FCGR3A: variants seen among roughly 807,000 people sequenced by gnomAD.
The protein encoded by FCGR3A is low affinity immunoglobulin gamma Fc region receptor III-A.
In FCGR3A, 13 loss-of-function variants were observed where a neutral mutation model predicts 24.1. The observed-to-expected ratio is 0.54, with a 90% CI of 0.35 to 0.86. The LOEUF is 0.86. Ranked by LOEUF, FCGR3A falls within the 40% of genes least tolerant of loss-of-function variation. FCGR3A has a pLI of 0.01. For missense variants in FCGR3A, 235 were observed against 298.0 expected (o/e 0.79, Z 1.56); for synonymous variants, 93 against 112.2 (o/e 0.83, Z 1.08).
At chr1:161,545,958 T>C (rs7540815) in intron 3 of FCGR3A, among the ~76,000 whole-genome samples, 3 of 152,138 alleles carry the variant, frequency 2.0e-5, no homozygotes, top group Non-Finnish European at 2.9e-5. Context: ...GGAGTGGGAC[T>C]GAAGGACATT....
upstream of FCGR3A, chr1:161,549,989 A>G: frequency 1.2e-6 from 1 of 854,470 alleles, no homozygotes; most frequent in Non-Finnish European, 1.8e-6. Context: ...TTACTCCCTC[A>G]AAGGTCTGTG....
intron 3 of FCGR3A, among the ~76,000 whole-genome samples, chr1:161,547,394 A>G (rs1572019247): frequency 1.3e-5 from 2 of 152,106 alleles, no homozygotes; most frequent in South Asian, 4.1e-4. Context: ...TATGAATGGA[A>G]CAGCCGTGGA....
At chr1:161,546,563 G>T (rs531648697) in intron 3 of FCGR3A, among the ~76,000 whole-genome samples, 3 of 152,094 alleles carry the variant, frequency 2.0e-5, no homozygotes, top group Admixed American at 1.3e-4. Flanking sequence ...TAAGAATAAA[G>T]GACTGCGGGG....
intron 3 of FCGR3A, among the ~76,000 whole-genome samples, chr1:161,548,067 T>C (rs1355587948): frequency 6.6e-6 from 1 of 152,244 alleles, no homozygotes; most frequent in Non-Finnish European, 1.5e-5. Context: ...TGATACTCTG[T>C]CTCAAAAAAT....
chr1:161,547,033 C>G (rs996690590), intron 3 of FCGR3A, among the ~76,000 whole-genome samples: 2 of 152,210 alleles, frequency 1.3e-5, no homozygotes, highest in Admixed American at 1.3e-4. Flanking sequence ...CCTGGTGAAG[C>G]TAATTCTCAT....
intron 3 of FCGR3A, among the ~76,000 whole-genome samples, chr1:161,546,658 T>C (rs1236111813): frequency 1.3e-5 from 2 of 151,804 alleles, no homozygotes; most frequent in African/African-American, 2.4e-5. Context: ...GTAATCCTAG[T>C]ACTTTGGGAG....
chr1:161,544,632 A>G lies in FCGR3A; in HGVS notation c.577+69T>C. 7 of 1,567,120 alleles carry G rather than the reference A, an allele frequency of 4.5e-6. No individual in the cohort carries two copies. In the South Asian group the frequency reaches 8.2e-5, roughly 18 times the overall value. On this transcript the variant is annotated intron_variant, in intron 4 of 4. Coordinates refer to ENST00000443193, the MANE Select transcript of FCGR3A (RefSeq NM_000569.8). ...GAATCAGGAATCTCCTCCCAACTCA[A>G]CTTCCCAGTGTGATTGCAGGTTCCA...
intron 3 of FCGR3A, chr1:161,545,733 A>G (rs1027529110): frequency 6.6e-6 from 1 of 152,086 alleles, no homozygotes; most frequent in Admixed American, 6.6e-5. Context: ...CCAAGTAATC[A>G]GACTTCACAA....
upstream of FCGR3A, among the ~76,000 whole-genome samples, chr1:161,550,277 AG>A (rs1330639839): frequency 3.3e-5 from 5 of 152,226 alleles, no homozygotes; most frequent in Admixed American, 6.5e-5. Context: ...GACCACTAGC[AG>A]TGTCTCTGCC....
rs1677123699 is a variant in FCGR3A at position 161,541,794 on chromosome 1, A to G, written c.*1218T>C. On this transcript the variant is annotated 3_prime_UTR_variant, in exon 5 of 5. Transcript: ENST00000443193. The stretch of plus-strand genomic sequence containing the variant: ...CATATTTTATTACCATGGTTTTCCC[A>G]TCTTCTATCTAAGAGTAGCATGCAA... 1 of 152,242 alleles carries G rather than the reference A, an allele frequency of 6.6e-6. No homozygotes were observed. The highest frequency in any genetic ancestry group is 2.4e-5 in the African/African-American group (1 of 41,394). 9.4% of individuals were successfully genotyped at this position (152,242 alleles called of 1,614,324 possible).
chr1:161,549,918 C>T (rs1457221148), upstream of FCGR3A: 1 of 1,546,636 alleles, frequency 6.5e-7, no homozygotes. Context: ...AAGGGAGCCC[C>T]ACCATAGAAC....
chr1:161,549,992 G>T (rs551094520), upstream of FCGR3A: 7 of 829,618 alleles, frequency 8.4e-6, no homozygotes, highest in African/African-American at 8.7e-5. Flanking sequence ...CTCCCTCAAA[G>T]GTCTGTGGCT....
chr1:161,544,134 A>T (rs1156878459), intron 4 of FCGR3A, among the ~76,000 whole-genome samples: 1 of 152,060 alleles, frequency 6.6e-6, no homozygotes, highest in African/African-American at 2.4e-5. Flanking sequence ...AACCAGGTGC[A>T]TGTAAAGAAT....
At chr1:161,546,374 A>G (rs1409959472) in intron 3 of FCGR3A, among the ~76,000 whole-genome samples, 5 of 152,158 alleles carry the variant, frequency 3.3e-5, no homozygotes, top group East Asian at 3.9e-4. Flanking sequence ...GAATGTCCAT[A>G]TGTATATTCC....
Position 161,548,478 on chromosome 1 carries a change from T to G in FCGR3A, c.262A>C (p.Arg88=). 6.2e-7 allele frequency: 1 copy of G among 1,614,010 alleles called. No homozygotes were observed. The highest frequency in any genetic ancestry group is 8.5e-7 in the Non-Finnish European group (1 of 1,179,854). The change falls in exon 3 of 5, where the codon AGG becomes CGG. Residue 88 remains arginine (R), a synonymous_variant. Coordinates refer to ENST00000443193, the MANE Select transcript of FCGR3A (RefSeq NM_000569.8). ...AGGGTGGAGAGGTTTGTCTGGCACC[T>G]GTACTCTCCACTGTCGTCGACTGTG... ...AATVDDSGEY[R]CQTNLSTLSD...
At chr1:161,548,918 T>C (rs1387232892) in intron 2 of FCGR3A, 93 bp downstream of exon 2, 1 of 1,388,740 alleles carries the variant, frequency 7.2e-7, no homozygotes, top group Non-Finnish European at 1.0e-6. Context: ...CACATCAGCA[T>C]TTTCCCATTC....
chr1:161,550,069 A>G, upstream of FCGR3A: 1 of 594,746 alleles, frequency 1.7e-6, no homozygotes, highest in Non-Finnish European at 3.0e-6. Flanking sequence ...TGCTTGCCCC[A>G]TCTCCTGGAT....
rs762943796 is a variant in FCGR3A at position 161,548,661 on chromosome 1, C to T, written c.79G>A (p.Val27Met). The T allele has an allele frequency of 2.5e-6, 4 of 1,613,880 alleles. No individual in the cohort carries two copies. Among genetic ancestry groups the T allele is most frequent in the South Asian group, 1.1e-5 (1 of 91,058 alleles). ...GMRTEDLPKA[V>M]VFLEPQWYRV... ...TACCATTGAGGCTCCAGGAACACCACAGCCTTTGGGAGATCTTCTGAGGAG... is the reference window on the plus strand; with the variant it reads ...TACCATTGAGGCTCCAGGAACACCATAGCCTTTGGGAGATCTTCTGAGGAG... The change falls in exon 3 of 5, where the codon GTG becomes ATG. Residue 27 changes from valine to methionine, a missense_variant. By Grantham distance (21) the Val-to-Met change is conservative. Coordinates refer to ENST00000443193, the MANE Select transcript of FCGR3A (RefSeq NM_000569.8).
chr1:161,547,872 C>T (rs1330673719), intron 3 of FCGR3A, among the ~76,000 whole-genome samples: 1 of 152,288 alleles, frequency 6.6e-6, no homozygotes, highest in African/African-American at 2.4e-5. Flanking sequence ...GAGTTTGAGA[C>T]CAGACTGACC....
Sources: gnomAD v4.1 joint callset for allele counts (sites outside exome capture counted in the v4.1 genomes callset) on GRCh38, gnomAD v4.1.1 for gene constraint, MANE v1.5 for transcripts, NCBI Gene and HGNC (gene_info 2026-07-23, HGNC 2026-07-21) for gene names.